RAD9B: variants seen among roughly 807,000 people sequenced by gnomAD.
The protein encoded by RAD9B is cell cycle checkpoint control protein RAD9B.
RAD9B carries 41 observed loss-of-function variants against 48.3 expected under a neutral mutation model. The ratio of observed to expected loss-of-function variants is 0.85; its 90% CI spans 0.66 to 1.10. The LOEUF (loss-of-function observed/expected upper bound fraction) is 1.10. Ranked by LOEUF, RAD9B falls within the 50% of genes least tolerant of loss-of-function variation. RAD9B has a pLI of 0.00. For missense variants in RAD9B, 444 were observed against 485.1 expected, an observed-to-expected ratio of 0.92 and a Z score of 0.80; for synonymous variants, 160 against 157.9, an observed-to-expected ratio of 1.01 and a Z score of -0.10.
intron 6 of RAD9B, among the ~76,000 whole-genome samples, chr12:110,516,504 T>C (rs1420007936): frequency 6.6e-6 from 1 of 152,152 alleles, no homozygotes; most frequent in African/African-American, 2.4e-5. Flanking sequence ...AAGACATTGT[T>C]TGATCCTTTA....
intron 1 of RAD9B, chr12:110,502,828 A>C: frequency 6.2e-6 from 1 of 161,790 alleles, no homozygotes; most frequent in Non-Finnish European, 1.4e-5. Flanking sequence ...AAACGGAAAC[A>C]GGGGTAATGA....
intron 7 of RAD9B, 25 bp from the exon 8 acceptor site, chr12:110,518,849 T>G (rs943025767): frequency 2.5e-6 from 4 of 1,581,872 alleles, no homozygotes; most frequent in South Asian, 2.3e-5. Context: ...GGATTTTAAG[T>G]TTTTTTCTTC....
rs1488328197 is a variant in RAD9B at position 110,519,874 on chromosome 12, C to T, written c.848C>T (p.Ala283Val). 1.2e-6 allele frequency: 2 copies of T among 1,612,790 alleles called. No homozygotes were observed. Among genetic ancestry groups the T allele is most frequent in the East Asian group, 2.2e-5 (1 of 44,824 alleles). The change falls in exon 9 of 11, where the codon GCA becomes GTA. Residue 283 changes from alanine to valine, a missense_variant. Transcript: ENST00000409300. ...ACATTAGCTGATGAACAAAGTAGAG[C>T]ATCTTCACCACAGTCACTGTGTCTT... is the stretch of plus-strand genomic sequence containing the variant. ...LATLADEQSR[A>V]SSPQSLCLSQ...
At chr12:110,526,301 C>G (rs752885668) in intron 10 of RAD9B, among the ~76,000 whole-genome samples, 1 of 152,148 alleles carries the variant, frequency 6.6e-6, no homozygotes, top group African/African-American at 2.4e-5. Flanking sequence ...TGGGTGTTCT[C>G]AAGCTTCCTC....
intron 10 of RAD9B, among the ~76,000 whole-genome samples, chr12:110,525,714 T>C (rs2063915679): frequency 6.6e-6 from 1 of 152,088 alleles, no homozygotes; most frequent in Admixed American, 6.6e-5. Context: ...ACTTTGATAC[T>C]ATGTCTCACT....
intron 9 of RAD9B, among the ~76,000 whole-genome samples, chr12:110,521,572 T>C (rs975301775): frequency 4.6e-5 from 7 of 151,064 alleles, no homozygotes; most frequent in Admixed American, 2.0e-4. Context: ...TTTTTTTTTT[T>C]TTGAGTCAGA....
intron 4 of RAD9B, 150 bp downstream of exon 4, chr12:110,506,843 C>CTTTTT: frequency 2.7e-6 from 1 of 374,348 alleles, no homozygotes; most frequent in East Asian, 6.0e-5. Context: ...AAGTATTATC[C>CTTTTT]TTTTTTTTTT....
intron 4 of RAD9B, among the ~76,000 whole-genome samples, chr12:110,509,355 C>G (rs187353330): frequency 6.6e-4 from 100 of 152,110 alleles, no homozygotes; most frequent in African/African-American, 2.3e-3. Context: ...ATCTGCTTGC[C>G]TCAGCCTCCC....
intron 9 of RAD9B, among the ~76,000 whole-genome samples, chr12:110,520,698 T>C (rs2063760433): frequency 6.8e-6 from 1 of 146,680 alleles, no homozygotes; most frequent in Non-Finnish European, 1.5e-5. Flanking sequence ...TTGCCCAGGC[T>C]GGAGTGCAGT....
In RAD9B at chr12:110,531,787, T is replaced by G. The variant is rs1272904788; in HGVS notation, c.*1134T>G. 1.6e-6 allele frequency: 1 copy of G among 644,090 alleles called. No individual in the cohort carries two copies. The highest frequency in any genetic ancestry group is 2.6e-6 in the Non-Finnish European group (1 of 379,270). 39.9% of individuals were successfully genotyped at this position (644,090 alleles called of 1,614,324 possible). ...CAAAACATTGTTATGTAATGTCTTA[T>G]GATGTGTGCCTCTCCCTCCCCCAAA... On this transcript the variant is annotated 3_prime_UTR_variant, in exon 11 of 11. Coordinates refer to ENST00000409300, the MANE Select transcript of RAD9B (RefSeq NM_001286535.2).
chr12:110,521,097 C>A (rs1385020726), intron 9 of RAD9B, among the ~76,000 whole-genome samples: 1 of 152,118 alleles, frequency 6.6e-6, no homozygotes, highest in African/African-American at 2.4e-5. Flanking sequence ...GCCACTGTAA[C>A]ATTCTGGCTC....
intron 5 of RAD9B, among the ~76,000 whole-genome samples, chr12:110,514,450 A>G (rs1449136612): frequency 6.6e-6 from 1 of 152,246 alleles, no homozygotes; most frequent in African/African-American, 2.4e-5. Flanking sequence ...CATTAGGGAA[A>G]TGCAAATCAA....
intron 2 of RAD9B, 117 bp from the exon 3 acceptor site, chr12:110,505,500 C>CA (rs1444779622): frequency 1.5e-5 from 12 of 779,594 alleles, no homozygotes; most frequent in Non-Finnish European, 1.9e-5. Flanking sequence ...AGGCTGGTCT[C>CA]AGACTCCTGG....
chr12:110,502,824 A>AC, intron 1 of RAD9B: 1 of 162,086 alleles, frequency 6.2e-6, no homozygotes, highest in Non-Finnish European at 1.4e-5. Flanking sequence ...TCTAAAACGG[A>AC]AACAGGGGTA....
chr12:110,522,352 G>A lies in RAD9B; in HGVS notation c.1066G>A (p.Val356Ile), dbSNP rs1196455276. 8 of 1,613,596 alleles carry A rather than the reference G, an allele frequency of 5.0e-6. No individual in the cohort carries two copies. Among genetic ancestry groups the A allele is most frequent in the Non-Finnish European group, 6.8e-6 (8 of 1,179,762 alleles). The change falls in exon 10 of 11, where the codon GTA (valine) becomes ATA (isoleucine). Residue 356 changes from valine (V) to isoleucine (I), a missense_variant. Transcript: ENST00000409300. ...AAGAGTGGATGGAGATGTCAGTGAAGTATCAGAAAGCAGTGTCAGCAACAC... is the reference window on the plus strand; with the variant it reads ...AAGAGTGGATGGAGATGTCAGTGAAATATCAGAAAGCAGTGTCAGCAACAC... The part of the protein sequence containing the change: ...MKRVDGDVSE[V>I]SESSVSNTEE...
chr12:110,530,617 A>G lies in RAD9B; in HGVS notation c.1218A>G (p.Glu406=), dbSNP rs1336037487. The change falls in exon 11 of 11, where the codon GAA becomes GAG. Residue 406 remains glutamate, a synonymous_variant. Coordinates refer to ENST00000409300, the MANE Select transcript of RAD9B (RefSeq NM_001286535.2). The part of the protein sequence containing the change: ...FDSLARASDS[E]EDMNNGSFSI... ...GTCTGGCAAGAGCAAGTGACAGTGAAGAGGACATGAATAATGGCAGTTTCT... is the reference window on the plus strand; with the variant it reads ...GTCTGGCAAGAGCAAGTGACAGTGAGGAGGACATGAATAATGGCAGTTTCT... 3 of 1,613,884 alleles carry G rather than the reference A, an allele frequency of 1.9e-6. No homozygotes were observed. The highest frequency in any genetic ancestry group is 2.7e-5 in the African/African-American group (2 of 74,936).
At position 110,519,879 on chromosome 12, in the gene RAD9B, T is replaced by C; in HGVS notation, c.853T>C (p.Ser285Pro). The C allele has an allele frequency of 6.2e-7, 1 of 1,612,936 alleles. No individual in the cohort carries two copies. Among genetic ancestry groups the C allele is most frequent in the Non-Finnish European group, 8.5e-7 (1 of 1,179,556 alleles). ...TLADEQSRASSPQSLCLSQKR... is the reference protein window; with the variant it reads ...TLADEQSRASPPQSLCLSQKR... ...AGCTGATGAACAAAGTAGAGCATCT[T>C]CACCACAGTCACTGTGTCTTTCACA... The change falls in exon 9 of 11, where the codon TCA (serine) becomes CCA (proline). Residue 285 changes from serine (S) to proline (P), a missense_variant. Ser to Pro is a moderately conservative substitution (Grantham distance 74). Transcript: ENST00000409300.
intron 6 of RAD9B, among the ~76,000 whole-genome samples, chr12:110,517,695 G>A (rs868856841): frequency 2.0e-4 from 30 of 147,852 alleles, no homozygotes; most frequent in Middle Eastern, 3.5e-3. Flanking sequence ...TCTCTCTGAG[G>A]GTATGTATCA....
intron 3 of RAD9B, among the ~76,000 whole-genome samples, chr12:110,506,174 G>A (rs1205014701): frequency 6.9e-6 from 1 of 144,032 alleles, no homozygotes; most frequent in African/African-American, 2.6e-5. Flanking sequence ...GCGTGAGCCA[G>A]TGCACCTGGC....
Sources: allele counts gnomAD v4.1 joint callset (sites outside exome capture counted in the v4.1 genomes callset), GRCh38; gene constraint gnomAD v4.1.1; transcripts MANE v1.5; gene names NCBI Gene and HGNC (gene_info 2026-07-23, HGNC 2026-07-21).